The following NRXN3 variants were observed in gnomAD, a reference collection of about 807,000 sequenced individuals.
The protein encoded by NRXN3 is neurexin 3.
Under a neutral mutation model 137.6 loss-of-function variants are expected in NRXN3, and 32 were observed. That is an observed-to-expected ratio of 0.23 (90% CI 0.18 to 0.31). NRXN3 has a LOEUF of 0.31. Among genes scored for constraint, NRXN3 ranks in the 10% least tolerant of loss-of-function variants. The pLI is 1.00. For synonymous variants in NRXN3, 798 were observed against 784.5 expected, an observed-to-expected ratio of 1.02 and a Z score of -0.29; for missense variants, 1,574 against 2,062.5, an observed-to-expected ratio of 0.76 and a Z score of 4.59.
intron 16 of NRXN3, among the ~76,000 whole-genome samples, chr14:79,648,090 T>C (rs221462): frequency 0.49 from 65,743 of 133,588 alleles, 24,159 homozygotes; most frequent in African/African-American, 0.78. Context: ...TCTTGAATCC[T>C]GTGGCCTTCT....
intron 15 of NRXN3, among the ~76,000 whole-genome samples, chr14:79,061,056 G>A (rs368091545): frequency 2.0e-5 from 3 of 152,134 alleles, no homozygotes; most frequent in Non-Finnish European, 2.9e-5. Context: ...TGGCTTATAC[G>A]TAGAAGTGGC....
chr14:78,941,789 A>G (rs2099353477), intron 10 of NRXN3, among the ~76,000 whole-genome samples: 1 of 152,248 alleles, frequency 6.6e-6, no homozygotes, highest in South Asian at 2.1e-4. Flanking sequence ...CAATGACTTT[A>G]TGCGTCATTA....
intron 10 of NRXN3, among the ~76,000 whole-genome samples, chr14:78,814,189 C>T (rs180781200): frequency 1.3e-5 from 2 of 152,068 alleles, no homozygotes; most frequent in Admixed American, 6.6e-5. Context: ...ATTCATCTGG[C>T]GGGAATGTAT....
At chr14:79,373,642 T>G (rs970094873) in intron 15 of NRXN3, among the ~76,000 whole-genome samples, 1 of 152,228 alleles carries the variant, frequency 6.6e-6, no homozygotes, top group Non-Finnish European at 1.5e-5. Flanking sequence ...AAAGTTCACA[T>G]TTTACTATTC....
intron 9 of NRXN3, among the ~76,000 whole-genome samples, chr14:78,809,519 A>C (rs1362142691): frequency 6.6e-6 from 1 of 152,154 alleles, no homozygotes; most frequent in Non-Finnish European, 1.5e-5. Context: ...ATTCATTGTG[A>C]TAACATCATA....
intron 20 of NRXN3, among the ~76,000 whole-genome samples, chr14:79,809,358 C>A (rs1159673504): frequency 6.6e-6 from 1 of 152,192 alleles, no homozygotes; most frequent in Non-Finnish European, 1.5e-5. Context: ...AGGCTGGTCT[C>A]AAACTCCTGG....
chr14:79,186,230 G>A (rs1341699801), intron 15 of NRXN3, among the ~76,000 whole-genome samples: 1 of 139,946 alleles, frequency 7.1e-6, no homozygotes, highest in Non-Finnish European at 1.6e-5. Context: ...CAAACAAATC[G>A]TGACGTCAAG....
intron 10 of NRXN3, among the ~76,000 whole-genome samples, chr14:78,885,575 T>C (rs2099141346): frequency 6.6e-6 from 1 of 152,162 alleles, no homozygotes; most frequent in Admixed American, 6.6e-5. Context: ...CTACCAGTTG[T>C]CTTTCCAAAT....
Position 78,182,721 on chromosome 14 carries a change from TC to T in NRXN3, c.-704+12048del, listed in dbSNP as rs1226566617. ...CCCAACCTCAGATGATCCACCTGCC[TC>T]GGCCTCCCAAAGTGCTGGGATTACA... On this transcript the variant is annotated intron_variant, in intron 1 of 20. Transcript: ENST00000335750. 2.6e-5 allele frequency among the ~76,000 whole-genome samples: 4 copies of T among 152,300 alleles called. No homozygotes were observed. In the East Asian group the frequency reaches 7.7e-4, roughly 29 times the overall value.
chr14:78,445,558 A>G (rs529255687), intron 4 of NRXN3, among the ~76,000 whole-genome samples: 34 of 152,264 alleles, frequency 2.2e-4, no homozygotes, highest in African/African-American at 7.7e-4. Flanking sequence ...TGGTTGCATT[A>G]GGCCCCTCCC....
chr14:79,148,424 G>C (rs192486966), intron 15 of NRXN3, among the ~76,000 whole-genome samples: 1 of 152,276 alleles, frequency 6.6e-6, no homozygotes, highest in Admixed American at 6.5e-5. Context: ...TGTATTGTAA[G>C]ATTATTTCAG....
At chr14:79,308,844 CTTTT>C (rs34580008) in intron 15 of NRXN3, among the ~76,000 whole-genome samples, 57 of 89,402 alleles carry the variant, frequency 6.4e-4, no homozygotes, top group Non-Finnish European at 9.7e-4. Context: ...GGGAAGCATT[CTTTT>C]TTTTTTTTTT....
intron 15 of NRXN3, among the ~76,000 whole-genome samples, chr14:79,218,921 G>C (rs1017082716): frequency 6.6e-6 from 1 of 151,856 alleles, no homozygotes; most frequent in African/African-American, 2.4e-5. Flanking sequence ...TATATAAAGG[G>C]GTAAGAGTGA....
At chr14:78,961,012 ATTT>A (rs201893544) in intron 11 of NRXN3, among the ~76,000 whole-genome samples, 30 of 137,186 alleles carry the variant, frequency 2.2e-4, no homozygotes, top group South Asian at 2.4e-4. Flanking sequence ...GTATTTGCTA[ATTT>A]TTTTTTTTTT....
chr14:79,254,346 TAAAG>T (rs770469328), intron 15 of NRXN3, among the ~76,000 whole-genome samples: 1 of 152,120 alleles, frequency 6.6e-6, no homozygotes, highest in South Asian at 2.1e-4. Flanking sequence ...TGCTATCTGT[TAAAG>T]AAAGAACAAT....
chr14:79,565,316 CATGTGTGTGTATATATATATACAT>C (rs2097539731), intron 16 of NRXN3, among the ~76,000 whole-genome samples: 1 of 119,914 alleles, frequency 8.3e-6, no homozygotes, highest in Non-Finnish European at 1.7e-5. Flanking sequence ...TATACACACA[CATGTGTGTGTATATATATATACAT>C]ATGTGTGCGT....
At chr14:78,768,983 C>T (rs1216965948) in intron 8 of NRXN3, among the ~76,000 whole-genome samples, 2 of 152,146 alleles carry the variant, frequency 1.3e-5, no homozygotes, top group Non-Finnish European at 2.9e-5. Flanking sequence ...CAATCTCCTC[C>T]ATCTTCATCT....
chr14:78,517,695 G>T (rs911633943), intron 4 of NRXN3, among the ~76,000 whole-genome samples: 1 of 152,070 alleles, frequency 6.6e-6, no homozygotes, highest in Non-Finnish European at 1.5e-5. Flanking sequence ...AGGTGTTTTT[G>T]CCTTCAATTC....
chr14:78,238,139 G>GC (rs111555461), intron 1 of NRXN3, among the ~76,000 whole-genome samples: 95,116 of 145,364 alleles, frequency 0.65, 31,273 homozygotes, highest in East Asian at 0.85. Context: ...AGTTGTGTGA[G>GC]CCCCCCCCAC....
Sources: allele counts gnomAD v4.1 joint callset (sites outside exome capture counted in the v4.1 genomes callset), GRCh38; gene constraint gnomAD v4.1.1; transcripts MANE v1.5; gene names NCBI Gene and HGNC (gene_info 2026-07-23, HGNC 2026-07-21).